THAP6: variants seen among roughly 807,000 people sequenced by gnomAD.
THAP6 encodes THAP domain containing 6.
A neutral mutation model predicts 20.0 loss-of-function variants in THAP6; 13 were observed. That is an observed-to-expected ratio of 0.65 (90% confidence interval 0.42 to 1.03). The LOEUF (loss-of-function observed/expected upper bound fraction) is 1.03, where lower values mean the gene tolerates loss of function less well. THAP6 is among the 50% of genes least tolerant of loss of function. The pLI is 0.00. For synonymous variants in THAP6, 93 were observed against 92.2 expected, an observed-to-expected ratio of 1.01 and a Z score of -0.05; for missense variants, 262 against 261.6, an observed-to-expected ratio of 1.00 and a Z score of -0.01.
At chr4:75,536,818 C>A (rs1040959346) in intron 2 of THAP6, among the ~76,000 whole-genome samples, 3 of 152,138 alleles carry the variant, frequency 2.0e-5, no homozygotes, top group Non-Finnish European at 2.9e-5. Flanking sequence ...AGGTGTGAGC[C>A]ACTGCGCCTG....
chr4:75,544,171 A>C (rs1727074339), intron 3 of THAP6, among the ~76,000 whole-genome samples: 1 of 152,226 alleles, frequency 6.6e-6, no homozygotes, highest in African/African-American at 2.4e-5. Context: ...TTCAACAGTT[A>C]TAAAACATGG....
intron 2 of THAP6, chr4:75,542,382 C>A: frequency 1.4e-6 from 1 of 699,840 alleles, no homozygotes; most frequent in Non-Finnish European, 2.6e-6. Context: ...CATAAATCCT[C>A]GTATTTCTGC....
At chr4:75,522,912 A>T (rs967436355) in intron 4 of THAP6, among the ~76,000 whole-genome samples, 1 of 152,182 alleles carries the variant, frequency 6.6e-6, no homozygotes, top group African/African-American at 2.4e-5. Flanking sequence ...GGGAGTGCAG[A>T]TATCCCTTTG....
Position 75,527,017 on chromosome 4 carries a change from G to C in THAP6, c.472G>C (p.Val158Leu). 1 of 1,614,100 alleles carries C rather than the reference G, an allele frequency of 6.2e-7. No homozygotes were observed. Among genetic ancestry groups the C allele is most frequent in the Non-Finnish European group, 8.5e-7 (1 of 1,179,972 alleles). Reference protein sequence around the residue: ...PKKLKHKLDHVIGELEDTKES... With the variant: ...PKKLKHKLDHLIGELEDTKES... ...GAAACTTAAGCATAAATTAGATCATGTGATCGGCGAGCTAGAGGATACAAA... is the reference window on the plus strand; with the variant it reads ...GAAACTTAAGCATAAATTAGATCATCTGATCGGCGAGCTAGAGGATACAAA... Residue 158 changes from valine to leucine, a missense_variant, in exon 5 of 5, where the codon GTG becomes CTG. Physicochemically the swap from Val to Leu is conservative, Grantham distance 32 (BLOSUM62 1). Coordinates refer to ENST00000311638, the MANE Select transcript of THAP6 (RefSeq NM_144721.6).
At chr4:75,532,946 G>A (rs940349369), downstream of THAP6, among the ~76,000 whole-genome samples, 7 of 152,146 alleles carry the variant, frequency 4.6e-5, no homozygotes, top group Admixed American at 2.0e-4. Flanking sequence ...CTTGAAGATC[G>A]CTGACATGCC....
chr4:75,521,662 G>A, intron 3 of THAP6, 74 bp from the exon 4 acceptor site: 1 of 1,441,750 alleles, frequency 6.9e-7, no homozygotes, highest in Non-Finnish European at 9.3e-7. Context: ...ACTATACAAA[G>A]TTAAGAAGGA....
At chr4:75,514,089 G>A, upstream of THAP6, 2 of 1,505,334 alleles carry the variant, frequency 1.3e-6, no homozygotes, top group African/African-American at 2.8e-5. Context: ...AAGGTATCCT[G>A]AAAATCAGGT....
Position 75,528,921 on chromosome 4 carries a change from C to T in THAP6, c.*1707C>T, listed in dbSNP as rs568876926. The T allele has an allele frequency of 2.8e-5, 13 of 467,616 alleles. No individual in the cohort carries two copies. The South Asian group carries it at 9.1e-4, about 33-fold the overall frequency. The allele number at this position is 467,616 out of a possible 1,614,324, so 29.0% of individuals were successfully genotyped here. A position where few individuals can be genotyped will look rare whatever the true frequency, so the allele number is the denominator to read the frequency against. The stretch of plus-strand genomic sequence containing the variant: ...AAAAAAAATTAGCCGGGCATGGTGG[C>T]ACGTGCCTGTAATCCCAGCTACTTG... On this transcript the variant is annotated 3_prime_UTR_variant, in exon 5 of 5. Coordinates refer to ENST00000311638, the MANE Select transcript of THAP6 (RefSeq NM_144721.6).
intron 3 of THAP6, chr4:75,542,917 C>T (rs1727046109): frequency 6.3e-6 from 1 of 158,508 alleles, no homozygotes; most frequent in Non-Finnish European, 1.4e-5. Context: ...TGAGGAAAGC[C>T]CATAGTTACT....
At chr4:75,533,963 A>G (rs1294330593), downstream of THAP6, among the ~76,000 whole-genome samples, 1 of 136,144 alleles carries the variant, frequency 7.3e-6, no homozygotes, top group Admixed American at 7.9e-5. Context: ...TCCTGTGTCC[A>G]GGTGTTCTCA....
chr4:75,522,646 A>G (rs181108712), intron 4 of THAP6: 1 of 152,052 alleles, frequency 6.6e-6, no homozygotes, highest in African/African-American at 2.4e-5. Context: ...CTGTGGGTTC[A>G]GTTGTTTTGA....
At chr4:75,530,216 G>A (rs918328526), downstream of THAP6, among the ~76,000 whole-genome samples, 1 of 152,096 alleles carries the variant, frequency 6.6e-6, no homozygotes, top group African/African-American at 2.4e-5. Context: ...GCCCTTTTCT[G>A]CATTGGCCCT....
intron 3 of THAP6, chr4:75,517,412 TA>T (rs1192662491): frequency 3.2e-5 from 5 of 156,696 alleles, no homozygotes; most frequent in African/African-American, 1.2e-4. Context: ...CTTGAAGTTT[TA>T]AATTTGTAGA....
In THAP6 at chr4:75,528,370, G is replaced by A. The variant is rs1042626974; in HGVS notation, c.*1156G>A. 9.1e-6 allele frequency: 9 copies of A among 985,210 alleles called. No homozygotes were observed. The African/African-American group carries it at 1.6e-4, about 17-fold the overall frequency. 61.0% of individuals were successfully genotyped at this position (985,210 alleles called of 1,614,324 possible). On this transcript the variant is annotated 3_prime_UTR_variant, in exon 5 of 5. Coordinates refer to ENST00000311638, the MANE Select transcript of THAP6 (RefSeq NM_144721.6). ...AAATTGAGAGTCATAAATACTGTGG[G>A]TTAGAATAAAAACCATTTGCCAAAG...
chr4:75,520,575 G>A (rs1725960615), intron 3 of THAP6, among the ~76,000 whole-genome samples: 1 of 152,122 alleles, frequency 6.6e-6, no homozygotes, highest in Non-Finnish European at 1.5e-5. Flanking sequence ...TCAATATTGT[G>A]TATAGGCTGT....
At position 75,529,934 on chromosome 4, in the gene THAP6, G is replaced by A. The variant is rs534124580; in HGVS notation, c.*2720G>A. On this transcript the variant is annotated 3_prime_UTR_variant, in exon 5 of 5. Coordinates refer to ENST00000311638, the MANE Select transcript of THAP6 (RefSeq NM_144721.6). ...GTGAAATGTATTTAATATATATTTAGTTTTAATAAAAAGATAAAATTATTA... is the reference window on the plus strand; with the variant it reads ...GTGAAATGTATTTAATATATATTTAATTTTAATAAAAAGATAAAATTATTA... 2 of 873,470 alleles carry A rather than the reference G, an allele frequency of 2.3e-6. No individual in the cohort carries two copies. The highest frequency in any genetic ancestry group is 1.2e-4 in the East Asian group (1 of 8,272). The allele number at this position is 873,470 out of a possible 1,614,324, so 54.1% of individuals were successfully genotyped here.
downstream of THAP6, among the ~76,000 whole-genome samples, chr4:75,532,869 C>A (rs981234828): frequency 5.3e-5 from 8 of 152,148 alleles, no homozygotes; most frequent in Admixed American, 2.0e-4. Flanking sequence ...AACACGGGGA[C>A]CCTGGGCCTG....
intron 2 of THAP6, among the ~76,000 whole-genome samples, chr4:75,536,857 C>T (rs1017616533): frequency 2.0e-5 from 3 of 152,106 alleles, no homozygotes; most frequent in Non-Finnish European, 4.4e-5. Flanking sequence ...ACAAAGAATC[C>T]AGTAGGTTAA....
In THAP6 at chr4:75,528,911, G is replaced by A. The variant is rs1726550132; in HGVS notation, c.*1697G>A. The A allele has an allele frequency of 5.9e-6, 3 of 505,266 alleles. No individual in the cohort carries two copies. Among genetic ancestry groups the A allele is most frequent in the Non-Finnish European group, 7.7e-6 (3 of 391,578 alleles). The allele number at this position is 505,266 out of a possible 1,614,324, so 31.3% of individuals were successfully genotyped here. ...TAAAAATACAAAAAAAAATTAGCCG[G>A]GCATGGTGGCACGTGCCTGTAATCC... On this transcript the variant is annotated 3_prime_UTR_variant, in exon 5 of 5. Coordinates refer to ENST00000311638, the MANE Select transcript of THAP6 (RefSeq NM_144721.6).
Sources: allele counts gnomAD v4.1 joint callset (sites outside exome capture counted in the v4.1 genomes callset), GRCh38; gene constraint gnomAD v4.1.1; transcripts MANE v1.5; gene names NCBI Gene and HGNC (gene_info 2026-07-23, HGNC 2026-07-21).